The following COL5A2 variants were observed in gnomAD, a reference collection of about 807,000 sequenced individuals.
COL5A2 encodes collagen alpha-2(V) chain.
A neutral mutation model predicts 208.2 loss-of-function variants in COL5A2; 23 were observed. The ratio of observed to expected loss-of-function variants is 0.11; its 90% CI spans 0.08 to 0.16. COL5A2 has a LOEUF of 0.16. COL5A2 is among the 10% of genes least tolerant of loss of function. The pLI is 1.00. For synonymous variants in COL5A2, 625 were observed against 628.5 expected, an observed-to-expected ratio of 0.99 and a Z score of 0.08; for missense variants, 1,590 against 1,956.4, an observed-to-expected ratio of 0.81 and a Z score of 3.53.
chr2:189,052,786 G>C lies in COL5A2; in HGVS notation c.2678C>G (p.Pro893Arg). Residue 893 changes from proline (P) to arginine (R), a missense_variant, in exon 40 of 54, where the codon CCT (proline) becomes CGT (arginine). Pro to Arg is a moderately radical substitution (Grantham distance 103, BLOSUM62 -2). Coordinates refer to ENST00000374866, the MANE Select transcript of COL5A2 (RefSeq NM_000393.5). ...GGTTCCTCGACCACCTTTTAGTCCA[G>C]GAACACCATTAGGACCCTGAATAGA... Reference protein sequence around the residue: ...SPGPHGPNGVPGLKGGRGTQG... With the variant: ...SPGPHGPNGVRGLKGGRGTQG... 1 of 1,614,142 alleles carries C rather than the reference G, an allele frequency of 6.2e-7. No individual in the cohort carries two copies. Among genetic ancestry groups the C allele is most frequent in the South Asian group, 1.1e-5 (1 of 91,084 alleles).
At chr2:189,097,528 T>G (rs1686945394) in intron 5 of COL5A2, 198 bp from the exon 6 acceptor site, 1 of 689,804 alleles carries the variant, frequency 1.4e-6, no homozygotes, top group South Asian at 1.5e-5. Flanking sequence ...ATCAGTGACA[T>G]TTAAAGACCT....
chr2:189,162,265 G>T (rs1380591995), intron 1 of COL5A2, among the ~76,000 whole-genome samples: 1 of 152,158 alleles, frequency 6.6e-6, no homozygotes, highest in Non-Finnish European at 1.5e-5. Context: ...AATCAATAAA[G>T]AACCTGATAA....
At chr2:189,325,613 C>G in the COL5A2 span, among the ~76,000 whole-genome samples, 1 of 152,020 alleles carries the variant, frequency 6.6e-6, no homozygotes, top group East Asian at 1.9e-4. Context: ...TTTTTCTTGT[C>G]ATTTACTCTT....
the COL5A2 span, among the ~76,000 whole-genome samples, chr2:189,345,153 C>T: frequency 1.1e-3 from 160 of 152,228 alleles, no homozygotes; most frequent in African/African-American, 3.0e-3. Flanking sequence ...ATTTGAGAGG[C>T]CTGATTATTG....
chr2:189,351,449 A>T, the COL5A2 span, among the ~76,000 whole-genome samples: 1 of 152,204 alleles, frequency 6.6e-6, no homozygotes, highest in African/African-American at 2.4e-5. Context: ...CCTTAAAATG[A>T]TTAGACAGTT....
intron 1 of COL5A2, among the ~76,000 whole-genome samples, chr2:189,207,645 A>G (rs1689158217): frequency 6.6e-6 from 1 of 152,150 alleles, no homozygotes; most frequent in Admixed American, 6.5e-5. Flanking sequence ...TTCTAGCCAA[A>G]TTTCTCAAAC....
intron 1 of COL5A2, among the ~76,000 whole-genome samples, chr2:189,137,348 A>C (rs1687846151): frequency 6.6e-6 from 1 of 152,190 alleles, no homozygotes; most frequent in Admixed American, 6.5e-5. Context: ...CCTAAATCCA[A>C]ATTCTGTATT....
In COL5A2 at chr2:189,078,507, T is replaced by C. The variant is rs776100559; in HGVS notation, c.1059+9A>G. On this transcript the variant is annotated intron_variant, in intron 16 of 53. Coordinates refer to ENST00000374866, the MANE Select transcript of COL5A2 (RefSeq NM_000393.5). ...TCTCAGCAGTATAAGTAAAAGCAGA[T>C]ATACTTACAGGAGCACCCTGTGGCC... 3.7e-6 allele frequency: 6 copies of C among 1,604,768 alleles called. No individual in the cohort carries two copies. Among genetic ancestry groups the C allele is most frequent in the African/African-American group, 2.7e-5 (2 of 74,724 alleles).
chr2:189,074,147 C>T (rs1447618896), intron 17 of COL5A2, among the ~76,000 whole-genome samples: 1 of 152,092 alleles, frequency 6.6e-6, no homozygotes, highest in Non-Finnish European at 1.5e-5. Flanking sequence ...TTAGTCTTAG[C>T]CATCTTCATT....
At chr2:189,171,510 AG>A (rs1179141263) in intron 1 of COL5A2, among the ~76,000 whole-genome samples, 2 of 152,174 alleles carry the variant, frequency 1.3e-5, no homozygotes, top group Non-Finnish European at 2.9e-5. Flanking sequence ...AACATTTAGC[AG>A]GTAAAATGGT....
At chr2:189,411,595 A>G in the COL5A2 span, among the ~76,000 whole-genome samples, 1 of 152,190 alleles carries the variant, frequency 6.6e-6, no homozygotes, top group Admixed American at 6.5e-5. Context: ...TCACATATCA[A>G]TATAGCATTT....
At chr2:189,293,979 T>A in the COL5A2 span, among the ~76,000 whole-genome samples, 1 of 151,172 alleles carries the variant, frequency 6.6e-6, no homozygotes. Context: ...TCCCAGCTAC[T>A]GGTGAGGCTG....
chr2:189,097,316 T>C lies in COL5A2; in HGVS notation c.417A>G (p.Ser139=), dbSNP rs1686939249. 6.2e-7 allele frequency: 1 copy of C among 1,614,134 alleles called. No individual in the cohort carries two copies. The highest frequency in any genetic ancestry group is 1.3e-5 in the African/African-American group (1 of 75,054). The change falls in exon 6 of 54, where the codon TCA becomes TCG. Residue 139 remains serine (S), a synonymous_variant. Coordinates refer to ENST00000374866, the MANE Select transcript of COL5A2 (RefSeq NM_000393.5). ...GRPGPAGPPG[S]QGPRGERGPK... is the part of the protein sequence containing the mutation. ...GCCCTCGCTCTCCTCTTGGTCCCTG[T>C]GATCCTGGAGGTCCCTAAAACAGAA...
At chr2:189,277,738 C>G in the COL5A2 span, among the ~76,000 whole-genome samples, 3 of 152,100 alleles carry the variant, frequency 2.0e-5, no homozygotes, top group African/African-American at 7.2e-5. Context: ...GTCTTCATCA[C>G]AGACTCACTA....
At chr2:189,138,166 G>C (rs532166006) in intron 1 of COL5A2, among the ~76,000 whole-genome samples, 7 of 152,180 alleles carry the variant, frequency 4.6e-5, no homozygotes, top group Non-Finnish European at 8.8e-5. Flanking sequence ...AGTAGAGACA[G>C]GGTTGCACCA....
chr2:189,237,058 C>T, the COL5A2 span, among the ~76,000 whole-genome samples: 88 of 151,620 alleles, frequency 5.8e-4, 3 homozygotes, highest in Non-Finnish European at 2.4e-4. Flanking sequence ...TTTCTTGAAG[C>T]CCGATAATGC....
At chr2:189,122,384 G>A (rs1687521976) in intron 1 of COL5A2, among the ~76,000 whole-genome samples, 1 of 152,086 alleles carries the variant, frequency 6.6e-6, no homozygotes, top group East Asian at 1.9e-4. Flanking sequence ...AAGAGGCAGG[G>A]AACCACCTAA....
At chr2:189,098,373 A>C (rs1686965337) in intron 5 of COL5A2, among the ~76,000 whole-genome samples, 1 of 152,260 alleles carries the variant, frequency 6.6e-6, no homozygotes, top group South Asian at 2.1e-4. Flanking sequence ...TTTATTAAGC[A>C]GATAAAACTA....
chr2:189,126,890 C>T (rs1687617302), intron 1 of COL5A2, among the ~76,000 whole-genome samples: 1 of 152,028 alleles, frequency 6.6e-6, no homozygotes. Context: ...CTATTATGTG[C>T]CATTTCTTCT....
Sources: allele counts gnomAD v4.1 joint callset (sites outside exome capture counted in the v4.1 genomes callset), GRCh38; gene constraint gnomAD v4.1.1; transcripts MANE v1.5; gene names NCBI Gene and HGNC (gene_info 2026-07-23, HGNC 2026-07-21).